TRIB2: variants seen among roughly 807,000 people sequenced by gnomAD.
The protein encoded by TRIB2 is tribbles homolog 2.
Under a neutral mutation model 26.8 loss-of-function variants are expected in TRIB2, and 2 were observed. That is an observed-to-expected ratio of 0.07 (90% CI 0.03 to 0.24). The LOEUF (loss-of-function observed/expected upper bound fraction) is 0.24. Among genes scored for constraint, TRIB2 ranks in the 10% least tolerant of loss-of-function variants. The probability of loss-of-function intolerance (pLI) is 1.00; values close to 1 mark genes in which losing one functional copy is unlikely to be tolerated. For missense variants in TRIB2, 306 were observed against 449.0 expected (o/e 0.68, Z 2.88); for synonymous variants, 189 against 187.3 (o/e 1.01, Z -0.08).
chr2:12,720,154 C>T (rs1026188035), intron 1 of TRIB2, among the ~76,000 whole-genome samples: 10 of 152,186 alleles, frequency 6.6e-5, no homozygotes, highest in African/African-American at 2.4e-4. Flanking sequence ...GGGCATCTGG[C>T]TGTTACTTCT....
chr2:12,717,111 A>T lies in TRIB2; in HGVS notation c.-1197A>T, dbSNP rs1008690480. 1.6e-4 allele frequency: 53 copies of T among 338,316 alleles called. No individual in the cohort carries two copies. The highest frequency in any genetic ancestry group is 2.4e-4 in the Admixed American group (5 of 20,836). The allele number at this position is 338,316 out of a possible 1,614,324, so 21.0% of individuals were successfully genotyped here. A position where few individuals can be genotyped will look rare whatever the true frequency, so the allele number is the denominator to read the frequency against. On this transcript the variant is annotated 5_prime_UTR_variant, in exon 1 of 3. Transcript: ENST00000155926. The surrounding 1 kb of genome is among the most constrained non-coding windows in gnomAD (Gnocchi z 4.8). ...GCCGTCCCCTTTAATTTTTAAATAC[A>T]CGGTCCCCTCTTTTCTCTGGGGGGG...
intron 2 of TRIB2, among the ~76,000 whole-genome samples, chr2:12,730,349 C>G (rs1661427586): frequency 6.6e-6 from 1 of 152,208 alleles, no homozygotes. Context: ...GCCCCTGGCT[C>G]CAGAGCCCAA....
Sources: gnomAD v4.1 joint callset for allele counts (sites outside exome capture counted in the v4.1 genomes callset) on GRCh38, gnomAD v4.1.1 for gene constraint, Gnocchi (gnomAD v3.1) non-coding constraint, MANE v1.5 for transcripts, NCBI Gene and HGNC (gene_info 2026-07-23, HGNC 2026-07-21) for gene names.